Variants in KCNN2 observed in about 807,000 individuals in gnomAD.
The protein encoded by KCNN2 is potassium calcium-activated channel subfamily N member 2.
A neutral mutation model predicts 55.5 loss-of-function variants in KCNN2; 24 were observed. The ratio of observed to expected loss-of-function variants is 0.43; its 90% CI spans 0.31 to 0.61. The LOEUF (loss-of-function observed/expected upper bound fraction) is 0.61. Ranked by LOEUF, KCNN2 falls within the 20% of genes least tolerant of loss-of-function variation. The probability of loss-of-function intolerance (pLI) is 0.08; values close to 1 mark genes in which losing one functional copy is unlikely to be tolerated. For synonymous variants in KCNN2, 431 were observed against 336.1 expected, an observed-to-expected ratio of 1.28 and a Z score of -3.09; for missense variants, 754 against 853.6, an observed-to-expected ratio of 0.88 and a Z score of 1.45.
intron 2 of KCNN2, among the ~76,000 whole-genome samples, chr5:114,319,808 A>G (rs1177359657): frequency 6.6e-6 from 1 of 152,224 alleles, no homozygotes; most frequent in Non-Finnish European, 1.5e-5. Flanking sequence ...CAAATCAAAG[A>G]TGCTTTGTCC....
upstream of KCNN2, chr5:114,361,989 G>A (rs926543064): frequency 6.5e-6 from 1 of 153,064 alleles, no homozygotes; most frequent in Non-Finnish European, 1.5e-5. Context: ...TTGTTTTGGT[G>A]CGCCCAACCA....
chr5:114,146,181 A>C (rs1229788713), intron 1 of KCNN2, among the ~76,000 whole-genome samples: 1 of 152,118 alleles, frequency 6.6e-6, no homozygotes, highest in Non-Finnish European at 1.5e-5. Flanking sequence ...TTACCAGAAA[A>C]AATGTTTTTC....
chr5:114,205,881 A>C (rs1753757554), intron 1 of KCNN2, among the ~76,000 whole-genome samples: 4 of 152,234 alleles, frequency 2.6e-5, no homozygotes, highest in South Asian at 4.1e-4. Context: ...AAAGGAATAG[A>C]ATAGATGGCA....
At chr5:114,281,980 T>G (rs1039083088) in intron 2 of KCNN2, among the ~76,000 whole-genome samples, 3 of 152,082 alleles carry the variant, frequency 2.0e-5, no homozygotes, top group African/African-American at 4.8e-5. Context: ...GCTATAGTTT[T>G]TATATAATTT....
At chr5:114,098,696 C>T (rs905007118) in intron 1 of KCNN2, among the ~76,000 whole-genome samples, 1 of 152,138 alleles carries the variant, frequency 6.6e-6, no homozygotes, top group Non-Finnish European at 1.5e-5. Flanking sequence ...TACCACACTT[C>T]TCTTTTATGG....
At chr5:114,262,252 T>C (rs1755123945) in intron 2 of KCNN2, among the ~76,000 whole-genome samples, 1 of 152,342 alleles carries the variant, frequency 6.6e-6, no homozygotes, top group South Asian at 2.1e-4. Flanking sequence ...CTTCTTCCAT[T>C]AATGGCTTAA....
At chr5:114,195,779 CCATT>C (rs1212290166) in intron 1 of KCNN2, among the ~76,000 whole-genome samples, 1 of 151,924 alleles carries the variant, frequency 6.6e-6, no homozygotes. Context: ...AGACAAGCAA[CCATT>C]CATTAAATTT....
At chr5:114,280,605 A>T (rs1164684841) in intron 2 of KCNN2, among the ~76,000 whole-genome samples, 1 of 152,118 alleles carries the variant, frequency 6.6e-6, no homozygotes, top group African/African-American at 2.4e-5. Context: ...AAGATCAGAT[A>T]GTTGTAGATG....
intron 2 of KCNN2, among the ~76,000 whole-genome samples, chr5:114,314,407 T>C (rs1167066837): frequency 2.6e-5 from 4 of 152,110 alleles, no homozygotes; most frequent in Admixed American, 6.6e-5. Context: ...ATATGTAATG[T>C]CATATATTTA....
intron 3 of KCNN2, among the ~76,000 whole-genome samples, chr5:114,416,949 C>T (rs549780458): frequency 3.9e-5 from 6 of 151,976 alleles, no homozygotes; most frequent in African/African-American, 7.3e-5. Context: ...GACTTTCTTG[C>T]GTTAAAGAAA....
rs138990207 is a variant in KCNN2 at position 114,386,779 on chromosome 5, G to A, written c.1219-17659G>A. On this transcript the variant is annotated intron_variant, in intron 2 of 7. Transcript: ENST00000673685. Reference sequence around the variant, plus strand: ...GGGAGTAGTTGACTAACATGTCAGCGAATACATTCTGTCTGCCTCTCAGAA... The same window carrying A: ...GGGAGTAGTTGACTAACATGTCAGCAAATACATTCTGTCTGCCTCTCAGAA... 3.8e-3 allele frequency among the ~76,000 whole-genome samples: 580 copies of A among 152,300 alleles called. 1 individual carries two copies. The highest frequency in any genetic ancestry group is 5.5e-3 in the Non-Finnish European group (376 of 68,022).
At chr5:114,205,718 T>C (rs1302604465) in intron 1 of KCNN2, among the ~76,000 whole-genome samples, 1 of 152,206 alleles carries the variant, frequency 6.6e-6, no homozygotes, top group African/African-American at 2.4e-5. Flanking sequence ...ATTAAATATG[T>C]TTTCACCTAA....
intron 1 of KCNN2, among the ~76,000 whole-genome samples, chr5:114,074,293 C>CATGTGT (rs1371308634): frequency 1.9e-4 from 27 of 144,508 alleles, no homozygotes; most frequent in African/African-American, 6.8e-4. Flanking sequence ...GCCATGTTTG[C>CATGTGT]GTGTGTGTGT....
intron 2 of KCNN2, among the ~76,000 whole-genome samples, chr5:114,373,369 A>G (rs940096466): frequency 6.6e-6 from 1 of 151,790 alleles, no homozygotes; most frequent in Non-Finnish European, 1.5e-5. Context: ...CTGTCTCCAA[A>G]TACTCCCAAT....
At chr5:114,308,282 G>C (rs1756328405) in intron 2 of KCNN2, among the ~76,000 whole-genome samples, 1 of 152,146 alleles carries the variant, frequency 6.6e-6, no homozygotes, top group South Asian at 2.1e-4. Flanking sequence ...AGCCAATCCT[G>C]ATACCTGCTG....
At chr5:114,453,204 C>A (rs920873849) in intron 3 of KCNN2, among the ~76,000 whole-genome samples, 1 of 152,150 alleles carries the variant, frequency 6.6e-6, no homozygotes, top group African/African-American at 2.4e-5. Flanking sequence ...ACATAGAAAA[C>A]CCCATACACC....
At chr5:114,193,793 A>G (rs1580607228) in intron 1 of KCNN2, among the ~76,000 whole-genome samples, 1 of 143,538 alleles carries the variant, frequency 7.0e-6, no homozygotes, top group East Asian at 1.9e-4. Flanking sequence ...ACTTAGAAAT[A>G]AGAGAAGAGA....
At chr5:114,070,501 G>T (rs534525160) in intron 1 of KCNN2, among the ~76,000 whole-genome samples, 39 of 152,308 alleles carry the variant, frequency 2.6e-4, no homozygotes, top group African/African-American at 9.1e-4. Context: ...TTCCCGGGCT[G>T]TCTCTTCCAG....
At chr5:114,327,944 T>G (rs1756742554) in intron 2 of KCNN2, among the ~76,000 whole-genome samples, 1 of 152,238 alleles carries the variant, frequency 6.6e-6, no homozygotes, top group African/African-American at 2.4e-5. Context: ...ATATTTATGC[T>G]CACTCTACTT....
Sources: allele counts gnomAD v4.1 joint callset (sites outside exome capture counted in the v4.1 genomes callset), GRCh38; gene constraint gnomAD v4.1.1; transcripts MANE v1.5; gene names NCBI Gene and HGNC (gene_info 2026-07-23, HGNC 2026-07-21).